CORO2B: variants seen among roughly 807,000 people sequenced by gnomAD.
CORO2B encodes the protein coronin 2B.
Under a neutral mutation model 58.8 loss-of-function variants are expected in CORO2B, and 26 were observed. The ratio of observed to expected loss-of-function variants is 0.44; its 90% CI spans 0.32 to 0.61. The LOEUF (loss-of-function observed/expected upper bound fraction) is 0.61. Ranked by LOEUF, CORO2B falls within the 20% of genes least tolerant of loss-of-function variation. The pLI is 0.04. For synonymous variants in CORO2B, 242 were observed against 253.8 expected (o/e 0.95, Z 0.44); for missense variants, 460 against 645.1 (o/e 0.71, Z 3.11).
At chr15:68,568,973 GA>G in the CORO2B span, among the ~76,000 whole-genome samples, 1 of 151,920 alleles carries the variant, frequency 6.6e-6, no homozygotes, top group African/African-American at 2.4e-5. Context: ...ATGTATCCCA[GA>G]ACCTAAAAGA....
At chr15:68,566,692 C>G in the CORO2B span, among the ~76,000 whole-genome samples, 2 of 152,206 alleles carry the variant, frequency 1.3e-5, no homozygotes, top group Non-Finnish European at 2.9e-5. Flanking sequence ...GCCTGACTTC[C>G]CTTCCCTGGC....
At chr15:68,564,360 G>A in the CORO2B span, among the ~76,000 whole-genome samples, 2 of 151,934 alleles carry the variant, frequency 1.3e-5, no homozygotes, top group South Asian at 4.2e-4. Context: ...CTGCAGTGGG[G>A]TAGAGTGATC....
In CORO2B at chr15:68,714,600, G is replaced by A. The variant is rs1263549572; in HGVS notation, c.807G>A (p.Gly269=). ...SMPLIEEEID[G]LSGLLFPFYD... is the part of the protein sequence containing the mutation. ...CCCTGATCGAAGAGGAAATTGATGG[G>A]CTCTCTGGCCTCCTGTTCCCCTTCT... The change falls in exon 7 of 12, where the codon GGG becomes GGA. Residue 269 remains glycine, a synonymous_variant. Coordinates refer to ENST00000261861, the MANE Select transcript of CORO2B (RefSeq NM_006091.5). The A allele has an allele frequency of 1.9e-6, 3 of 1,613,954 alleles. No individual in the cohort carries two copies. The South Asian group carries it at 3.3e-5, about 18-fold the overall frequency.
At chr15:68,518,763 G>T in the CORO2B span, among the ~76,000 whole-genome samples, 1 of 152,094 alleles carries the variant, frequency 6.6e-6, no homozygotes, top group Non-Finnish European at 1.5e-5. Flanking sequence ...GATGGAGAGG[G>T]GGTGGGGGGC....
At chr15:68,560,055 T>G in the CORO2B span, among the ~76,000 whole-genome samples, 1 of 152,160 alleles carries the variant, frequency 6.6e-6, no homozygotes. Context: ...CGGTGGAGAC[T>G]GCCGATTTGA....
intron 1 of CORO2B, among the ~76,000 whole-genome samples, chr15:68,628,771 G>T (rs1197290501): frequency 6.6e-6 from 1 of 152,170 alleles, no homozygotes; most frequent in Non-Finnish European, 1.5e-5. Context: ...GGCTTATCCT[G>T]CCTCCTCCGG....
chr15:68,534,840 G>A, the CORO2B span, among the ~76,000 whole-genome samples: 1 of 152,214 alleles, frequency 6.6e-6, no homozygotes, highest in Non-Finnish European at 1.5e-5. Context: ...CCTCACAATC[G>A]TGGCGGAAGG....
chr15:68,697,037 T>A (rs1361961065), intron 3 of CORO2B, among the ~76,000 whole-genome samples: 7 of 152,226 alleles, frequency 4.6e-5, no homozygotes, highest in Admixed American at 4.6e-4. Context: ...CTGCACCCCA[T>A]GCATCCAGCA....
intron 8 of CORO2B, among the ~76,000 whole-genome samples, chr15:68,717,828 C>A (rs1567019691): frequency 6.6e-6 from 1 of 152,206 alleles, no homozygotes; most frequent in Non-Finnish European, 1.5e-5. Flanking sequence ...AGCCTTAACT[C>A]ATATTCACAA....
At chr15:68,625,463 C>A (rs1900650231) in intron 1 of CORO2B, among the ~76,000 whole-genome samples, 1 of 152,142 alleles carries the variant, frequency 6.6e-6, no homozygotes, top group African/African-American at 2.4e-5. Context: ...TCCTCCCACC[C>A]CCAGGCCTTG....
intron 2 of CORO2B, among the ~76,000 whole-genome samples, chr15:68,655,703 A>G (rs1204413326): frequency 6.6e-6 from 1 of 152,190 alleles, no homozygotes; most frequent in Non-Finnish European, 1.5e-5. Flanking sequence ...TAAGGAGACC[A>G]AACTCTTGAG....
intron 11 of CORO2B, among the ~76,000 whole-genome samples, chr15:68,724,741 T>C (rs911789999): frequency 6.6e-6 from 1 of 152,206 alleles, no homozygotes; most frequent in Non-Finnish European, 1.5e-5. Flanking sequence ...CAATAACAAA[T>C]GTAATTCACA....
At chr15:68,647,027 T>TATCAA (rs1901454604) in intron 2 of CORO2B, among the ~76,000 whole-genome samples, 1 of 152,194 alleles carries the variant, frequency 6.6e-6, no homozygotes, top group Non-Finnish European at 1.5e-5. Flanking sequence ...GCCGGCACCC[T>TATCAA]GCCATGCTCC....
the CORO2B span, among the ~76,000 whole-genome samples, chr15:68,538,342 C>T: frequency 6.6e-6 from 1 of 152,186 alleles, no homozygotes; most frequent in African/African-American, 2.4e-5. Flanking sequence ...CAAAGCTATG[C>T]TTGGCTTCAT....
At chr15:68,675,724 T>C (rs781698457) in intron 2 of CORO2B, among the ~76,000 whole-genome samples, 4 of 152,148 alleles carry the variant, frequency 2.6e-5, no homozygotes, top group African/African-American at 4.8e-5. Context: ...TTAGAAAACA[T>C]TAACACATTG....
rs957571995 is a variant in CORO2B, at chr15:68,710,893, G to A, written c.483+12G>A. On this transcript the variant is annotated intron_variant, in intron 4 of 11. Coordinates refer to ENST00000261861, the MANE Select transcript of CORO2B (RefSeq NM_006091.5). The surrounding 1 kb of genome is among the most constrained non-coding windows in gnomAD (Gnocchi z 4.1). ...GCTACGACTACAAGGTATGCAGTGGGCAGGCAGCTGGGTGGAGAGGGATTG... is the reference window on the plus strand; with the variant it reads ...GCTACGACTACAAGGTATGCAGTGGACAGGCAGCTGGGTGGAGAGGGATTG... 4 of 1,585,436 alleles carry A rather than the reference G, an allele frequency of 2.5e-6. No homozygotes were observed. The East Asian group carries it at 6.8e-5, about 27-fold the overall frequency.
chr15:68,606,597 T>C (rs1424618045), intron 1 of CORO2B, among the ~76,000 whole-genome samples: 2 of 152,208 alleles, frequency 1.3e-5, no homozygotes, highest in African/African-American at 4.8e-5. Flanking sequence ...TGAGAGAATT[T>C]TTGAGCTGCT....
intron 11 of CORO2B, among the ~76,000 whole-genome samples, chr15:68,720,434 A>C (rs1423565151): frequency 6.6e-6 from 1 of 152,194 alleles, no homozygotes; most frequent in Non-Finnish European, 1.5e-5. Flanking sequence ...AAACCCACAA[A>C]TGCTTATTAG....
At chr15:68,619,559 T>C (rs1900459256) in intron 1 of CORO2B, among the ~76,000 whole-genome samples, 1 of 152,096 alleles carries the variant, frequency 6.6e-6, no homozygotes, top group African/African-American at 2.4e-5. Context: ...TGGCTCTCTC[T>C]CCCTCTGCTT....
Sources: allele counts gnomAD v4.1 joint callset (sites outside exome capture counted in the v4.1 genomes callset), GRCh38; gene constraint gnomAD v4.1.1; non-coding constraint Gnocchi (gnomAD v3.1); transcripts MANE v1.5; gene names NCBI Gene and HGNC (gene_info 2026-07-23, HGNC 2026-07-21).